HPS1: variants seen among roughly 807,000 people sequenced by gnomAD.
HPS1 encodes HPS1 biogenesis of lysosomal organelles complex 3 subunit 1.
A neutral mutation model predicts 90.6 loss-of-function variants in HPS1; 59 were observed. The observed-to-expected ratio is 0.65, with a 90% confidence interval of 0.53 to 0.81. HPS1 has a LOEUF of 0.81. HPS1 is among the 30% of genes least tolerant of loss of function. HPS1 has a pLI of 0.00. For missense variants in HPS1, 849 were observed against 896.7 expected, an observed-to-expected ratio of 0.95 and a Z score of 0.68; for synonymous variants, 388 against 384.4, an observed-to-expected ratio of 1.01 and a Z score of -0.11.
At chr10:98,419,646 G>C (rs1844594819) in intron 18 of HPS1, among the ~76,000 whole-genome samples, 1 of 152,208 alleles carries the variant, frequency 6.6e-6, no homozygotes, top group African/African-American at 2.4e-5. Context: ...CTTCAAGCAG[G>C]GGCCTATGCT....
chr10:98,431,407 A>G (rs766816109), intron 6 of HPS1, 116 bp from the exon 7 acceptor site: 19 of 1,133,474 alleles, frequency 1.7e-5, no homozygotes, highest in South Asian at 1.4e-5. Context: ...TCTGCACCAG[A>G]TACTTGGAAA....
Position 98,422,377 on chromosome 10 carries a change from T to G in HPS1, c.1735A>C (p.Lys579Gln). Reference sequence around the variant, plus strand: ...TGGGTCCAAATGGTTACCTTAGTTTTGACAAAGGCAGCCAGCGGCCCCTTG... The same window carrying G: ...TGGGTCCAAATGGTTACCTTAGTTTGGACAAAGGCAGCCAGCGGCCCCTTG... ...LGKGPLAAFV[K>Q]TKVWSLIQLA... The change falls in exon 17 of 20, where the codon AAA becomes CAA. Residue 579 changes from lysine to glutamine, a missense_variant. Coordinates refer to ENST00000361490, the MANE Select transcript of HPS1 (RefSeq NM_000195.5). 1 of 1,613,958 alleles carries G rather than the reference T, an allele frequency of 6.2e-7. No individual in the cohort carries two copies. Among genetic ancestry groups the G allele is most frequent in the Non-Finnish European group, 8.5e-7 (1 of 1,179,978 alleles).
intron 7 of HPS1, 54 bp from the exon 8 acceptor site, chr10:98,430,724 G>A (rs1846329115): frequency 9.7e-6 from 14 of 1,450,066 alleles, no homozygotes; most frequent in Middle Eastern, 4.4e-4. Flanking sequence ...AGGAGACGGG[G>A]CAGGCAGGTT....
In HPS1 at chr10:98,417,403, G is replaced by C. The variant is rs968640223; in HGVS notation, c.*161C>G. On this transcript the variant is annotated 3_prime_UTR_variant, in exon 20 of 20. Transcript: ENST00000361490. The surrounding 1 kb of genome is among the most constrained non-coding windows in gnomAD (Gnocchi z 4.2). ...GGCCTTGCTCAGTACCTGACATGGAGGGTGGTCTAGGTGGGGTTTTAGAAG... is the reference window on the plus strand; with the variant it reads ...GGCCTTGCTCAGTACCTGACATGGACGGTGGTCTAGGTGGGGTTTTAGAAG... 6.6e-6 allele frequency: 4 copies of C among 602,062 alleles called. No individual in the cohort carries two copies. Among genetic ancestry groups the C allele is most frequent in the Middle Eastern group, 4.4e-4 (1 of 2,258 alleles). The allele number at this position is 602,062 out of a possible 1,614,324, so 37.3% of individuals were successfully genotyped here.
chr10:98,429,216 C>T (rs1846027291), intron 10 of HPS1: 2 of 1,045,934 alleles, frequency 1.9e-6, no homozygotes, highest in Non-Finnish European at 2.4e-6. Flanking sequence ...ACTACAGATG[C>T]TGAATATATT....
rs1257466792 is a variant in HPS1 at position 98,430,630 on chromosome 10, G to C, written c.709C>G (p.Leu237Val). 3.2e-6 allele frequency: 5 copies of C among 1,556,084 alleles called. No individual in the cohort carries two copies. The African/African-American group carries it at 6.8e-5, about 21-fold the overall frequency. ...SSLRPADLLA[L>V]ILLVQDLYPS... ...TAGAGGTCCTGAACCAGGAGGATGA[G>C]GGCAAGCAGGTCGGCCGGGCGCAGG... The change falls in exon 8 of 20, where the codon CTC (leucine) becomes GTC (valine). Residue 237 changes from leucine (L) to valine (V), a missense_variant. Leu to Val is a conservative substitution (Grantham distance 32, BLOSUM62 1). Transcript: ENST00000361490.
At chr10:98,416,034 G>A (rs1366383827), downstream of HPS1, among the ~76,000 whole-genome samples, 2 of 152,208 alleles carry the variant, frequency 1.3e-5, no homozygotes, top group Non-Finnish European at 2.9e-5. Flanking sequence ...CCCTTGGAGC[G>A]GAGAGTTCCT....
chr10:98,436,293 T>C (rs549289369), intron 3 of HPS1, among the ~76,000 whole-genome samples: 7 of 152,168 alleles, frequency 4.6e-5, no homozygotes, highest in Non-Finnish European at 1.0e-4. Context: ...ATCAAAATTA[T>C]GGAAGGGTCT....
At chr10:98,414,774 G>A (rs1843932638), downstream of HPS1, 2 of 516,348 alleles carry the variant, frequency 3.9e-6, no homozygotes, top group Non-Finnish European at 3.3e-6. Context: ...CAAGCCCAGA[G>A]AAGGCAAGCA....
chr10:98,420,842 G>A (rs1223732650), intron 17 of HPS1, among the ~76,000 whole-genome samples: 1 of 152,194 alleles, frequency 6.6e-6, no homozygotes, highest in African/African-American at 2.4e-5. Context: ...TCCTCTGCCT[G>A]GGGTCGCCCA....
In HPS1 at chr10:98,442,657, C is replaced by T. The variant is rs550515030; in HGVS notation, c.117+467G>A. On this transcript the variant is annotated intron_variant, in intron 3 of 19. Transcript: ENST00000361490. ...AGTAGCTGGGACTATAGGCACGCAC[C>T]ACCACACCTGGCTAATTTTTGTATT... 32 of 251,256 alleles carry T rather than the reference C, an allele frequency of 1.3e-4. 1 individual carries two copies. The highest frequency in any genetic ancestry group is 1.5e-3 in the Middle Eastern group (1 of 662). 15.6% of individuals were successfully genotyped at this position (251,256 alleles called of 1,614,324 possible).
intron 14 of HPS1, 99 bp from the exon 15 acceptor site, chr10:98,423,986 T>C: frequency 6.7e-7 from 1 of 1,495,970 alleles, no homozygotes. Context: ...CAGACAGACC[T>C]GGGGAGCCCT....
At position 98,422,435 on chromosome 10, in the gene HPS1, G is replaced by A. The variant is rs1591031767; in HGVS notation, c.1677C>T (p.Leu559=). Residue 559 remains leucine, a synonymous_variant, in exon 17 of 20, where the codon CTC becomes CTT. Transcript: ENST00000361490. ...RTTGQMVAPS[L]NCSQKTSSEL... is the part of the protein sequence containing the mutation. The stretch of plus-strand genomic sequence containing the variant: ...CCGACGAGGTCTTTTGACTGCAGTT[G>A]AGGGAAGGCGCCACCATCTGCCCAG... 1.2e-6 allele frequency: 2 copies of A among 1,614,064 alleles called. No homozygotes were observed. The highest frequency in any genetic ancestry group is 1.7e-6 in the Non-Finnish European group (2 of 1,179,946).
rs1024373572 is a variant in HPS1, at chr10:98,435,589, T to C, written c.255+46A>G. The stretch of plus-strand genomic sequence containing the variant: ...ATAAGAGAGGCCTGTGGACTCCCCA[T>C]CAAGCTGAGGGAAGAGGAACATGGG... On this transcript the variant is annotated intron_variant, in intron 4 of 19. Coordinates refer to ENST00000361490, the MANE Select transcript of HPS1 (RefSeq NM_000195.5). The surrounding 1 kb of genome is among the most constrained non-coding windows in gnomAD (Gnocchi z 4.3). The C allele has an allele frequency of 1.9e-6, 3 of 1,611,680 alleles. No individual in the cohort carries two copies. Among genetic ancestry groups the C allele is most frequent in the African/African-American group, 2.7e-5 (2 of 74,750 alleles).
At position 98,443,135 on chromosome 10, in the gene HPS1, C is replaced by T. The variant is rs1938745345; in HGVS notation, c.106G>A (p.Glu36Lys). The T allele has an allele frequency of 1.9e-6, 3 of 1,611,998 alleles. No homozygotes were observed. The highest frequency in any genetic ancestry group is 2.5e-6 in the Non-Finnish European group (3 of 1,178,100). The stretch of plus-strand genomic sequence containing the variant: ...TACCCTGCACTCACCTCTTCTTCCT[C>T]ATTCTCTGACTGCCCGAACTTCAGC... Reference protein sequence around the residue: ...LRLKFGQSENEEEELPALEDQ... With the variant: ...LRLKFGQSENKEEELPALEDQ... Residue 36 changes from glutamate to lysine, a missense_variant, in exon 3 of 20, where the codon GAG becomes AAG. Coordinates refer to ENST00000361490, the MANE Select transcript of HPS1 (RefSeq NM_000195.5).
At chr10:98,414,937 C>A (rs1403664550), downstream of HPS1, 2 of 1,559,904 alleles carry the variant, frequency 1.3e-6, no homozygotes, top group Middle Eastern at 1.7e-4. Context: ...CCCCCTCCCC[C>A]TCCCCACCAA....
intron 3 of HPS1, chr10:98,442,858 A>G: frequency 2.1e-6 from 1 of 484,400 alleles, no homozygotes; most frequent in Non-Finnish European, 3.8e-6. Context: ...TTCTTCTGTT[A>G]CGTGATAAAA....
chr10:98,425,454 T>C, intron 13 of HPS1, 87 bp downstream of exon 13: 1 of 1,351,518 alleles, frequency 7.4e-7, no homozygotes, highest in Non-Finnish European at 1.0e-6. Context: ...CCAGGCCCAT[T>C]GGCCCCTCAG....
intron 17 of HPS1, 180 bp from the exon 18 acceptor site, chr10:98,420,338 G>A (rs1591020274): frequency 1.6e-6 from 1 of 637,784 alleles, no homozygotes. Flanking sequence ...ATTATTGGAT[G>A]GATGGACTAC....
Sources: gnomAD v4.1 joint callset for allele counts (sites outside exome capture counted in the v4.1 genomes callset) on GRCh38, gnomAD v4.1.1 for gene constraint, Gnocchi (gnomAD v3.1) non-coding constraint, MANE v1.5 for transcripts, NCBI Gene and HGNC (gene_info 2026-07-23, HGNC 2026-07-21) for gene names.